Variants in VWA3A observed in about 807,000 individuals in gnomAD.
The protein encoded by VWA3A is von Willebrand factor A domain-containing protein 3A.
A neutral mutation model predicts 160.4 loss-of-function variants in VWA3A; 134 were observed. The ratio of observed to expected loss-of-function variants is 0.84; its 90% CI spans 0.73 to 0.96. The LOEUF is 0.96. VWA3A is among the 40% of genes least tolerant of loss of function. The pLI is 0.00. For synonymous variants in VWA3A, 476 were observed against 543.4 expected (o/e 0.88, Z 1.72); for missense variants, 1,310 against 1,447.9 (o/e 0.90, Z 1.55).
chr16:22,131,097 G>A lies in VWA3A; in HGVS notation c.1653-108G>A, dbSNP rs1441738113. 1.2e-5 allele frequency: 11 copies of A among 939,514 alleles called. No individual in the cohort carries two copies. In the Admixed American group the frequency reaches 2.1e-4, roughly 18 times the overall value. 58.2% of individuals were successfully genotyped at this position (939,514 alleles called of 1,614,324 possible). A position where few individuals can be genotyped will look rare whatever the true frequency, so the allele number is the denominator to read the frequency against. On this transcript the variant is annotated intron_variant, in intron 17 of 33. Transcript: ENST00000389398. ...GCCAGTGACATCCTCACATTTTAGG[G>A]GATCTCATCAGAATTTTGTCCCCAC...
intron 15 of VWA3A, 41 bp from the exon 16 acceptor site, chr16:22,123,572 A>C: frequency 6.2e-7 from 1 of 1,613,778 alleles, no homozygotes; most frequent in Admixed American, 1.7e-5. Flanking sequence ...TTGGTTGCTC[A>C]GCCTTTGAGC....
At chr16:22,141,429 G>A (rs1161885076) in intron 23 of VWA3A, among the ~76,000 whole-genome samples, 153 bp from the exon 24 acceptor site, 2 of 152,206 alleles carry the variant, frequency 1.3e-5, no homozygotes, top group Admixed American at 6.5e-5. Context: ...CAGAGACCTG[G>A]CGGGGGAGGA....
intron 9 of VWA3A, 113 bp downstream of exon 9, chr16:22,115,585 A>G (rs2045617578): frequency 3.2e-6 from 4 of 1,245,072 alleles, no homozygotes; most frequent in Non-Finnish European, 4.3e-6. Context: ...TAATCCCAGC[A>G]CTTTGGGAGG....
At chr16:22,108,813 T>G (rs1236835770) in intron 6 of VWA3A, among the ~76,000 whole-genome samples, 3 of 152,176 alleles carry the variant, frequency 2.0e-5, no homozygotes, top group Admixed American at 1.3e-4. Flanking sequence ...AGTCCTTGAC[T>G]TAGAATGGTT....
chr16:22,100,056 C>A (rs1385764331), intron 3 of VWA3A, 138 bp from the exon 4 acceptor site: 8 of 1,076,550 alleles, frequency 7.4e-6, no homozygotes, highest in African/African-American at 1.6e-5. Flanking sequence ...GCCTTGGTGA[C>A]AAGAGCGAAA....
chr16:22,117,847 A>G (rs571569040), intron 11 of VWA3A, among the ~76,000 whole-genome samples: 6 of 152,222 alleles, frequency 3.9e-5, no homozygotes, highest in Admixed American at 1.3e-4. Flanking sequence ...TGCTTTTCAT[A>G]GCAGGGAGCC....
At chr16:22,132,396 AAATT>A (rs2045964055) in intron 19 of VWA3A, among the ~76,000 whole-genome samples, 1 of 151,914 alleles carries the variant, frequency 6.6e-6, no homozygotes, top group African/African-American at 2.4e-5. Context: ...AAAAAAAAAA[AAATT>A]AACCAGGTGT....
In VWA3A at chr16:22,107,083, A is replaced by G. The variant is rs541854741; in HGVS notation, c.484-2399A>G. On this transcript the variant is annotated intron_variant, in intron 6 of 33. Transcript: ENST00000389398. ...GCAGGATGTTGGGTGCACAGGTCTG[A>G]AGTTCCAAGAGAAATCTGTTTGAAG... Among the ~76,000 whole-genome samples, 21 of 152,332 alleles carry G rather than the reference A, an allele frequency of 1.4e-4. No homozygotes were observed. In the East Asian group the frequency reaches 4.1e-3, roughly 29 times the overall value.
chr16:22,123,424 C>A, intron 15 of VWA3A, 189 bp from the exon 16 acceptor site: 2 of 1,521,252 alleles, frequency 1.3e-6, no homozygotes, highest in Non-Finnish European at 1.8e-6. Context: ...AATGAAATAC[C>A]GTGTGACTCT....
chr16:22,108,466 CAGT>C (rs1458093580), intron 6 of VWA3A, among the ~76,000 whole-genome samples: 1 of 152,046 alleles, frequency 6.6e-6, no homozygotes, highest in Admixed American at 6.6e-5. Flanking sequence ...GCTGGTAGGT[CAGT>C]AGACTCTGCA....
At chr16:22,113,077 C>T (rs2045574185) in intron 8 of VWA3A, among the ~76,000 whole-genome samples, 2 of 152,186 alleles carry the variant, frequency 1.3e-5, no homozygotes, top group South Asian at 4.1e-4. Context: ...GGATGGCAGC[C>T]AAAAGTTCTG....
intron 12 of VWA3A, among the ~76,000 whole-genome samples, chr16:22,120,534 G>C (rs1161303466): frequency 2.0e-5 from 3 of 152,256 alleles, no homozygotes; most frequent in South Asian, 4.1e-4. Context: ...TGAAGTTTGG[G>C]ACTTGCTGTT....
At chr16:22,127,412 C>T (rs2045869901) in intron 17 of VWA3A, among the ~76,000 whole-genome samples, 1 of 152,146 alleles carries the variant, frequency 6.6e-6, no homozygotes, top group Non-Finnish European at 1.5e-5. Flanking sequence ...AGGCTTGAGC[C>T]ACTGAGCTCA....
chr16:22,155,834 C>T lies in VWA3A; in HGVS notation c.3504-17C>T, dbSNP rs1307719233. On this transcript the variant is annotated splice_polypyrimidine_tract_variant and intron_variant, in intron 32 of 33. Coordinates refer to ENST00000389398, the MANE Select transcript of VWA3A (RefSeq NM_173615.5). ...GGGCACCAGGGAGACCATCTTTCTT[C>T]ATCTCCTGCCCACCAGATCCCAACT... 6.2e-7 allele frequency: 1 copy of T among 1,613,934 alleles called. No individual in the cohort carries two copies.
chr16:22,103,152 G>A (rs1316123604), intron 5 of VWA3A, among the ~76,000 whole-genome samples: 1 of 152,094 alleles, frequency 6.6e-6, no homozygotes, highest in Non-Finnish European at 1.5e-5. Flanking sequence ...TCCCACCTCA[G>A]CCTCCTGAGT....
Sources: gnomAD v4.1 joint callset for allele counts (sites outside exome capture counted in the v4.1 genomes callset) on GRCh38, gnomAD v4.1.1 for gene constraint, MANE v1.5 for transcripts, NCBI Gene and HGNC (gene_info 2026-07-23, HGNC 2026-07-21) for gene names.